Variants in PKIB observed in about 807,000 individuals in gnomAD.
PKIB encodes cAMP-dependent protein kinase inhibitor beta.
Under a neutral mutation model 4.5 loss-of-function variants are expected in PKIB, and 2 were observed. The observed-to-expected ratio is 0.44, with a 90% CI of 0.18 to 1.39. The LOEUF (loss-of-function observed/expected upper bound fraction) is 1.39, where lower values mean the gene tolerates loss of function less well. PKIB is among the 40% of genes most tolerant of loss of function. The pLI is 0.27. For missense variants in PKIB, 94 were observed against 92.6 expected (o/e 1.02, Z -0.06); for synonymous variants, 38 against 36.0 (o/e 1.06, Z -0.20).
intron 3 of PKIB, chr6:122,701,508 TAAC>T (rs1478074687): frequency 3.8e-6 from 6 of 1,595,144 alleles, no homozygotes; most frequent in Non-Finnish European, 5.1e-6. Context: ...AGGGTATAGT[TAAC>T]AACCATTTTC....
At chr6:122,563,692 G>C (rs1773098804) in intron 2 of PKIB, among the ~76,000 whole-genome samples, 1 of 152,104 alleles carries the variant, frequency 6.6e-6, no homozygotes, top group African/African-American at 2.4e-5. Context: ...TGTGTACCTA[G>C]GAAGATTATG....
chr6:122,627,895 T>G (rs1205943664), intron 1 of PKIB, among the ~76,000 whole-genome samples: 1 of 151,876 alleles, frequency 6.6e-6, no homozygotes, highest in Non-Finnish European at 1.5e-5. Context: ...ATATATAAAA[T>G]AAGGAAAATA....
chr6:122,491,503 C>G (rs896504403), intron 2 of PKIB, among the ~76,000 whole-genome samples: 1 of 152,128 alleles, frequency 6.6e-6, no homozygotes, highest in African/African-American at 2.4e-5. Context: ...CTCTCCTCCC[C>G]CGCTCATGCC....
intron 3 of PKIB, among the ~76,000 whole-genome samples, chr6:122,586,723 G>A (rs1239752359): frequency 6.6e-6 from 1 of 152,062 alleles, no homozygotes; most frequent in Admixed American, 6.6e-5. Flanking sequence ...ATAGCCAAGG[G>A]AAGGGCTTAT....
chr6:122,678,708 T>C (rs376484343), intron 3 of PKIB, among the ~76,000 whole-genome samples: 1 of 152,170 alleles, frequency 6.6e-6, no homozygotes, highest in African/African-American at 2.4e-5. Context: ...GAGATAAGTA[T>C]GAAAATTGTT....
chr6:122,725,242 C>T lies in PKIB; in HGVS notation c.*47C>T. On this transcript the variant is annotated 3_prime_UTR_variant, in exon 5 of 5. Coordinates refer to ENST00000368452, the MANE Select transcript of PKIB (RefSeq NM_181795.3). ...TGCTGAATTTCTGCATGTTGAAAGACTTAGTGGTTCTGTTTTCTTGAGACA... is the reference window on the plus strand; with the variant it reads ...TGCTGAATTTCTGCATGTTGAAAGATTTAGTGGTTCTGTTTTCTTGAGACA... 2 of 1,466,312 alleles carry T rather than the reference C, an allele frequency of 1.4e-6. No homozygotes were observed. Among genetic ancestry groups the T allele is most frequent in the Non-Finnish European group, 1.9e-6 (2 of 1,064,374 alleles). 90.8% of individuals were successfully genotyped at this position (1,466,312 alleles called of 1,614,324 possible). A position where few individuals can be genotyped will look rare whatever the true frequency, so the allele number is the denominator to read the frequency against.
At chr6:122,521,905 G>A (rs1289595861) in intron 2 of PKIB, among the ~76,000 whole-genome samples, 3 of 152,050 alleles carry the variant, frequency 2.0e-5, no homozygotes, top group African/African-American at 7.2e-5. Context: ...GTCAATTTCC[G>A]ATGGCTGGCC....
chr6:122,690,849 GTGT>G (rs770963204), intron 3 of PKIB, among the ~76,000 whole-genome samples: 1 of 150,618 alleles, frequency 6.6e-6, no homozygotes, highest in Non-Finnish European at 1.5e-5. Flanking sequence ...GACAGGTCTG[GTGT>G]TGATGAAATC....
intron 2 of PKIB, among the ~76,000 whole-genome samples, chr6:122,584,387 T>C (rs1773792542): frequency 6.6e-6 from 1 of 152,142 alleles, no homozygotes; most frequent in Non-Finnish European, 1.5e-5. Context: ...ATGATAATCA[T>C]AAATTAAGTA....
In PKIB at chr6:122,562,002, T is replaced by TG. The variant is rs1427229988; in HGVS notation, c.-247-23919_-247-23918insG. 9.5e-4 allele frequency among the ~76,000 whole-genome samples: 124 copies of TG among 131,208 alleles called. 8 individuals carry two copies. The highest frequency in any genetic ancestry group is 2.6e-3 in the South Asian group (10 of 3,852). The allele number at this position is 131,208 out of a possible 152,430, so 86.1% of individuals were successfully genotyped here. A position where few individuals can be genotyped will look rare whatever the true frequency, so the allele number is the denominator to read the frequency against. On this transcript the variant is annotated intron_variant, in intron 2 of 6. Transcript: ENST00000392491. ...TTTTTTTGTTTGTTTTTGTTTTTTT[T>TG]TGTTTTTTTTTTTTTTTGCTTTTTA...
At chr6:122,617,726 G>T (rs989711061) in intron 1 of PKIB, among the ~76,000 whole-genome samples, 3 of 152,026 alleles carry the variant, frequency 2.0e-5, no homozygotes, top group Non-Finnish European at 4.4e-5. Flanking sequence ...TACGAATTAA[G>T]TTTGATGACA....
chr6:122,694,661 C>T lies in PKIB; in HGVS notation c.-9+19517C>T, dbSNP rs148455126. Among the ~76,000 whole-genome samples the T allele has an allele frequency of 3.9e-4, 59 of 152,066 alleles. 1 individual carries two copies. The highest frequency in any genetic ancestry group is 1.3e-3 in the African/African-American group (55 of 41,462). The stretch of plus-strand genomic sequence containing the variant: ...GGAATTAATTTACACTGCCTGGTGT[C>T]AGGATGTAATATGATTATGATGGCA... On this transcript the variant is annotated intron_variant, in intron 3 of 4. Transcript: ENST00000368452.
chr6:122,676,589 A>G (rs1031410325), intron 3 of PKIB, among the ~76,000 whole-genome samples: 8 of 152,298 alleles, frequency 5.3e-5, no homozygotes, highest in African/African-American at 1.9e-4. Flanking sequence ...ACTACCCTAG[A>G]TCATTTTATG....
At chr6:122,694,920 A>T (rs187632860) in intron 3 of PKIB, among the ~76,000 whole-genome samples, 1 of 152,326 alleles carries the variant, frequency 6.6e-6, no homozygotes, top group African/African-American at 2.4e-5. Flanking sequence ...TATAGAAATG[A>T]CTAAAAGGAC....
chr6:122,498,251 A>C (rs1385585326), intron 2 of PKIB, among the ~76,000 whole-genome samples: 2 of 152,216 alleles, frequency 1.3e-5, no homozygotes, highest in African/African-American at 2.4e-5. Context: ...AGCACACCTC[A>C]TATGGTGGTG....
At chr6:122,576,883 T>C (rs1248607686) in intron 2 of PKIB, among the ~76,000 whole-genome samples, 2 of 151,672 alleles carry the variant, frequency 1.3e-5, no homozygotes, top group Non-Finnish European at 2.9e-5. Context: ...AATTGAAAAC[T>C]ATCAGAAGGA....
chr6:122,691,198 A>C (rs1249368930), intron 3 of PKIB, among the ~76,000 whole-genome samples: 1 of 152,010 alleles, frequency 6.6e-6, no homozygotes, highest in Non-Finnish European at 1.5e-5. Context: ...GATATTCTAT[A>C]ACCTTCCTGT....
chr6:122,651,322 C>A (rs955799614), intron 2 of PKIB, among the ~76,000 whole-genome samples: 1 of 152,144 alleles, frequency 6.6e-6, no homozygotes, highest in Non-Finnish European at 1.5e-5. Flanking sequence ...AGCACACTTC[C>A]TTGTGGACTA....
intron 2 of PKIB, among the ~76,000 whole-genome samples, chr6:122,539,371 A>G (rs1057181002): frequency 6.6e-6 from 1 of 151,978 alleles, no homozygotes; most frequent in African/African-American, 2.4e-5. Flanking sequence ...TACCTAATTT[A>G]TTGATAGTTT....
Sources: allele counts gnomAD v4.1 joint callset (sites outside exome capture counted in the v4.1 genomes callset), GRCh38; gene constraint gnomAD v4.1.1; transcripts MANE v1.5; gene names NCBI Gene and HGNC (gene_info 2026-07-23, HGNC 2026-07-21).